KIAA1217: variants seen among roughly 807,000 people sequenced by gnomAD.
KIAA1217 encodes KIAA1217.
In KIAA1217, 88 loss-of-function variants were observed where a neutral mutation model predicts 163.9. The ratio of observed to expected loss-of-function variants is 0.54; its 90% confidence interval spans 0.45 to 0.64. KIAA1217 has a LOEUF of 0.64. Among genes scored for constraint, KIAA1217 ranks in the 30% least tolerant of loss-of-function variants. KIAA1217 has a pLI of 0.00. For missense variants in KIAA1217, 2,372 were observed against 2,475.0 expected (o/e 0.96, Z 0.88); for synonymous variants, 903 against 923.1 (o/e 0.98, Z 0.39).
chr10:24,202,915 G>T (rs4601663), intron 2 of KIAA1217, among the ~76,000 whole-genome samples: 113,300 of 152,126 alleles, frequency 0.74, 43,582 homozygotes, highest in Non-Finnish European at 0.85. Context: ...CCGGGCCAGG[G>T]GCAGTGGCTC....
chr10:24,407,796 A>C (rs2057375196), intron 3 of KIAA1217, among the ~76,000 whole-genome samples: 1 of 152,192 alleles, frequency 6.6e-6, no homozygotes, highest in Non-Finnish European at 1.5e-5. Flanking sequence ...ATGGTCATGA[A>C]GAGTGGCCTG....
At chr10:24,157,219 CT>C (rs1259552107) in intron 2 of KIAA1217, among the ~76,000 whole-genome samples, 3 of 152,202 alleles carry the variant, frequency 2.0e-5, no homozygotes, top group African/African-American at 7.2e-5. Context: ...GAACTACAGT[CT>C]CATTAATTTG....
Position 23,695,624 on chromosome 10 carries a change from T to G in KIAA1217, c.-321+390T>G, listed in dbSNP as rs781737300. Among the ~76,000 whole-genome samples, 1 of 151,812 alleles carries G rather than the reference T, an allele frequency of 6.6e-6. No homozygotes were observed. Among genetic ancestry groups the G allele is most frequent in the Non-Finnish European group, 1.5e-5 (1 of 67,964 alleles). ...TAGGTGCGACTAGGATGTTGCCTCG[T>G]TTTTCACTCGGGGCTGCGAAGAGGG... On this transcript the variant is annotated intron_variant, in intron 1 of 18. Transcript: ENST00000376462. The surrounding 1 kb of genome is among the most constrained non-coding windows in gnomAD (Gnocchi z 4.9).
At chr10:24,319,375 C>CAAAAA (rs34410717) in intron 2 of KIAA1217, among the ~76,000 whole-genome samples, 15 of 45,834 alleles carry the variant, frequency 3.3e-4, no homozygotes, top group East Asian at 5.3e-4. Context: ...GACGTTGTCT[C>CAAAAA]AAAAAAAAAA....
chr10:24,245,683 G>A (rs971162939), intron 2 of KIAA1217, among the ~76,000 whole-genome samples: 2 of 152,164 alleles, frequency 1.3e-5, no homozygotes, highest in East Asian at 1.9e-4. Context: ...TCAGGCTGGA[G>A]TGTAGTGGTA....
chr10:23,733,896 A>G (rs888182203), intron 1 of KIAA1217, among the ~76,000 whole-genome samples: 2 of 152,196 alleles, frequency 1.3e-5, no homozygotes, highest in Admixed American at 1.3e-4. Context: ...TTTGTCTTTT[A>G]TAAATTGTTC....
rs140956483 is a variant in KIAA1217, at chr10:23,920,599, T to C, written c.-320-86626T>C. ...ATTAAGGCTAATTCCTTCTTTTGTC[T>C]CTCTATTTATCTCTTAAATCCCCTC... On this transcript the variant is annotated intron_variant, in intron 1 of 18. Transcript: ENST00000376462. Among the ~76,000 whole-genome samples the C allele has an allele frequency of 5.1e-3, 780 of 152,290 alleles. 4 individuals carry two copies. Among genetic ancestry groups the C allele is most frequent in the Admixed American group, 0.015 (233 of 15,298 alleles).
intron 1 of KIAA1217, among the ~76,000 whole-genome samples, chr10:23,864,863 T>C (rs1588974619): frequency 1.3e-5 from 2 of 152,196 alleles, no homozygotes; most frequent in Non-Finnish European, 2.9e-5. Flanking sequence ...GTCATGAATC[T>C]GAAGGCAGTC....
chr10:24,064,049 G>A lies in KIAA1217; in HGVS notation c.-171+56675G>A, dbSNP rs370335296. 1.1e-4 allele frequency among the ~76,000 whole-genome samples: 16 copies of A among 152,096 alleles called. No homozygotes were observed. In the East Asian group the frequency reaches 1.2e-3, roughly 11 times the overall value. On this transcript the variant is annotated intron_variant, in intron 2 of 18. Coordinates refer to the KIAA1217 transcript ENST00000376462. ...GCTTAAGGAGATTTAGGGCTGAGAC[G>A]ATGGGGTTTTCTAGATACACAATCA...
chr10:23,800,743 A>T (rs1487811150), intron 1 of KIAA1217, among the ~76,000 whole-genome samples: 2 of 152,220 alleles, frequency 1.3e-5, no homozygotes, highest in Non-Finnish European at 2.9e-5. Flanking sequence ...ATCACTGGTT[A>T]TTAGAGAAAT....
At chr10:23,979,775 A>T (rs75728058) in intron 1 of KIAA1217, among the ~76,000 whole-genome samples, 2,170 of 152,158 alleles carry the variant, frequency 0.014, 49 homozygotes, top group African/African-American at 0.049. Context: ...CTCCCTTCTG[A>T]ATCCATGAAT....
intron 1 of KIAA1217, among the ~76,000 whole-genome samples, chr10:23,823,354 A>G (rs1837717973): frequency 6.6e-6 from 1 of 152,222 alleles, no homozygotes; most frequent in South Asian, 2.1e-4. Context: ...CTGCTCCATC[A>G]TGTGATTTCC....
chr10:24,095,383 A>G (rs2062115734), intron 2 of KIAA1217, among the ~76,000 whole-genome samples: 1 of 152,178 alleles, frequency 6.6e-6, no homozygotes. Context: ...TCATGGCTCC[A>G]GCCCTCTAAT....
intron 4 of KIAA1217, among the ~76,000 whole-genome samples, chr10:24,434,025 CTTTTTTTTT>C (rs569791889): frequency 2.1e-3 from 150 of 72,652 alleles, no homozygotes; most frequent in African/African-American, 9.2e-3. Context: ...CTCTCTCTCT[CTTTTTTTTT>C]TTTTTTTTTT....
intron 1 of KIAA1217, among the ~76,000 whole-genome samples, chr10:23,957,774 T>A (rs1024702164): frequency 2.0e-5 from 3 of 152,118 alleles, no homozygotes; most frequent in African/African-American, 7.2e-5. Flanking sequence ...TCCTCCCTCC[T>A]CCCATCCAGG....
chr10:24,283,801 T>C (rs1431615943), intron 2 of KIAA1217, among the ~76,000 whole-genome samples: 3 of 152,270 alleles, frequency 2.0e-5, no homozygotes, highest in African/African-American at 7.2e-5. Flanking sequence ...ATTATCATTT[T>C]CTGGATTTTA....
chr10:24,281,925 C>T (rs375033479), intron 2 of KIAA1217, among the ~76,000 whole-genome samples: 367 of 152,046 alleles, frequency 2.4e-3, no homozygotes, highest in African/African-American at 8.3e-3. Flanking sequence ...GGTGTGGTGG[C>T]GGGTGCCTGT....
intron 2 of KIAA1217, among the ~76,000 whole-genome samples, chr10:24,324,087 C>G (rs551531375): frequency 6.8e-6 from 1 of 146,444 alleles, no homozygotes; most frequent in Non-Finnish European, 1.5e-5. Context: ...GGCAGTATAG[C>G]GAGACCTCAT....
intron 3 of KIAA1217, among the ~76,000 whole-genome samples, chr10:24,397,366 G>A (rs1311069322): frequency 6.6e-6 from 1 of 152,112 alleles, no homozygotes; most frequent in Non-Finnish European, 1.5e-5. Context: ...GGGATTACAG[G>A]CGTGAACCAC....
Sources: allele counts gnomAD v4.1 joint callset (sites outside exome capture counted in the v4.1 genomes callset), GRCh38; gene constraint gnomAD v4.1.1; non-coding constraint Gnocchi (gnomAD v3.1); transcripts MANE v1.5; gene names NCBI Gene and HGNC (gene_info 2026-07-23, HGNC 2026-07-21).